The following MBD3 variants were observed in gnomAD, a reference collection of about 807,000 sequenced individuals.
MBD3 encodes methyl-CpG-binding domain protein 3.
A neutral mutation model predicts 31.2 loss-of-function variants in MBD3; 13 were observed. The ratio of observed to expected loss-of-function variants is 0.42; its 90% confidence interval spans 0.27 to 0.66. MBD3 has a LOEUF of 0.66. MBD3 is among the 30% of genes least tolerant of loss of function. The pLI is 0.26. For synonymous variants in MBD3, 223 were observed against 187.4 expected (o/e 1.19, Z -1.55); for missense variants, 440 against 426.5 (o/e 1.03, Z -0.28).
At chr19:1,590,648 A>G (rs1039352410) in intron 1 of MBD3, among the ~76,000 whole-genome samples, 1 of 152,160 alleles carries the variant, frequency 6.6e-6, no homozygotes, top group African/African-American at 2.4e-5. Context: ...GTGGAATGTG[A>G]ATTATATCTC....
At chr19:1,591,756 G>A (rs1313695652) in intron 1 of MBD3, among the ~76,000 whole-genome samples, 1 of 152,030 alleles carries the variant, frequency 6.6e-6, no homozygotes, top group African/African-American at 2.4e-5. Context: ...CTTGGCTGCA[G>A]CAGGCGACTA....
Position 1,592,821 on chromosome 19 carries a change from C to G in MBD3, c.-190G>C, listed in dbSNP as rs1372443667. On this transcript the variant is annotated 5_prime_UTR_variant, in exon 1 of 7. Transcript: ENST00000434436. ...GCTTTGCCGCCCTTTCGGCCCCCTC[C>G]CCGCGCTCGCCAGCCCCCGCTCGGG... is the stretch of plus-strand genomic sequence containing the variant. The G allele has an allele frequency of 6.8e-6, 1 of 147,136 alleles. No individual in the cohort carries two copies. Among genetic ancestry groups the G allele is most frequent in the Non-Finnish European group, 1.5e-5 (1 of 65,922 alleles). 9.1% of individuals were successfully genotyped at this position (147,136 alleles called of 1,614,324 possible).
At chr19:1,590,523 TGA>T (rs1409835505) in intron 1 of MBD3, among the ~76,000 whole-genome samples, 1 of 152,024 alleles carries the variant, frequency 6.6e-6, no homozygotes, top group Non-Finnish European at 1.5e-5. Context: ...GAGGCTGAGC[TGA>T]GAGGGTCGCC....
Position 1,592,660 on chromosome 19 carries a change from G to A in MBD3, c.-29C>T, listed in dbSNP as rs926818150. 1.3e-5 allele frequency: 13 copies of A among 1,015,308 alleles called. No individual in the cohort carries two copies. The highest frequency in any genetic ancestry group is 2.3e-5 in the South Asian group (1 of 42,884). 62.9% of individuals were successfully genotyped at this position (1,015,308 alleles called of 1,614,324 possible). On this transcript the variant is annotated 5_prime_UTR_variant, in exon 1 of 7. Coordinates refer to ENST00000434436, the MANE Select transcript of MBD3 (RefSeq NM_001281453.2). ...GCCCGGCTCCTCGGCCCGCCGCCGG[G>A]CCCGCCGCCGCCGCCCGGACCCCCA...
chr19:1,591,073 G>A (rs1295644691), intron 1 of MBD3, among the ~76,000 whole-genome samples: 2 of 152,220 alleles, frequency 1.3e-5, no homozygotes, highest in Non-Finnish European at 2.9e-5. Flanking sequence ...CCAAGCTGCA[G>A]CCACCTCTTA....
chr19:1,588,504 G>T (rs571075433), intron 1 of MBD3, among the ~76,000 whole-genome samples: 2 of 152,142 alleles, frequency 1.3e-5, no homozygotes, highest in South Asian at 4.1e-4. Context: ...AAACAAGGCC[G>T]GGCGCGGTGG....
At chr19:1,590,383 AG>A (rs1233290075) in intron 1 of MBD3, among the ~76,000 whole-genome samples, 2 of 152,230 alleles carry the variant, frequency 1.3e-5, no homozygotes, top group African/African-American at 4.8e-5. Context: ...GCACTTTGGG[AG>A]GCTGAGGCGG....
intron 5 of MBD3, among the ~76,000 whole-genome samples, chr19:1,579,345 T>A (rs1917294607): frequency 6.6e-6 from 1 of 151,628 alleles, no homozygotes; most frequent in Non-Finnish European, 1.5e-5. Flanking sequence ...AGAAAAAGAA[T>A]CCACACCCTC....
chr19:1,584,620 G>T lies in MBD3; in HGVS notation c.328C>A (p.Gln110Lys), dbSNP rs777996631. Residue 110 changes from glutamine (Q) to lysine (K), a missense_variant, in exon 3 of 7, where the codon CAG (glutamine) becomes AAG (lysine). Physicochemically the swap from Gln to Lys is moderately conservative, Grantham distance 53. Transcript: ENST00000434436. ...PVRQTASIFK[Q>K]PVTKITNHPS... is the part of the protein sequence containing the mutation. ...TGGTTGGTAATCTTGGTCACCGGCTGCTTGAAGATGGACGCCGTCTGGCGC... is the reference window on the plus strand; with the variant it reads ...TGGTTGGTAATCTTGGTCACCGGCTTCTTGAAGATGGACGCCGTCTGGCGC... The T allele has an allele frequency of 6.2e-7, 1 of 1,613,892 alleles. No individual in the cohort carries two copies. Among genetic ancestry groups the T allele is most frequent in the South Asian group, 1.1e-5 (1 of 91,088 alleles).
At chr19:1,582,011 C>T (rs939448007) in intron 4 of MBD3, among the ~76,000 whole-genome samples, 1 of 152,190 alleles carries the variant, frequency 6.6e-6, no homozygotes. Context: ...TCATGATCCG[C>T]CCGCCTTGGC....
Position 1,578,031 on chromosome 19 carries a change from G to A in MBD3, c.*133C>T. 2.0e-6 allele frequency: 1 copy of A among 508,756 alleles called. No individual in the cohort carries two copies. The highest frequency in any genetic ancestry group is 3.6e-6 in the Non-Finnish European group (1 of 279,850). 31.5% of individuals were successfully genotyped at this position (508,756 alleles called of 1,614,324 possible). On this transcript the variant is annotated 3_prime_UTR_variant, in exon 7 of 7. Transcript: ENST00000434436. The surrounding 1 kb of genome is among the most constrained non-coding windows in gnomAD (Gnocchi z 6.1). ...GAAGTGGGGACGGGCCGAGGAGGGA[G>A]CCAGGAGCACGGCCTTCCTCCTGGG...
In MBD3 at chr19:1,578,503, C is replaced by T. The variant is rs576246477; in HGVS notation, c.713G>A (p.Arg238Gln). ...QEELVQQVRK[R>Q]LEEALMADML... ...GTCGGCCATCAGCGCCTCCTCCAGCCGCTTCCGCACCTGCTGCACCAGCTC... is the reference window on the plus strand; with the variant it reads ...GTCGGCCATCAGCGCCTCCTCCAGCTGCTTCCGCACCTGCTGCACCAGCTC... Residue 238 changes from arginine to glutamine, a missense_variant, in exon 6 of 7, where the codon CGG becomes CAG. This residue lies in a region of MBD3 where 117 missense variants were observed against 95.0 expected (regional missense o/e 1.23). Transcript: ENST00000434436. The surrounding 1 kb of genome is among the most constrained non-coding windows in gnomAD (Gnocchi z 6.1). The T allele has an allele frequency of 1.8e-5, 29 of 1,612,086 alleles. No homozygotes were observed. The highest frequency in any genetic ancestry group is 6.7e-5 in the African/African-American group (5 of 74,942).
At chr19:1,584,829 C>G in intron 2 of MBD3, 152 bp from the exon 3 acceptor site, 1 of 989,594 alleles carries the variant, frequency 1.0e-6, no homozygotes, top group Non-Finnish European at 1.4e-6. Context: ...AGGCCGCTCC[C>G]GCAGGGTCGG....
chr19:1,582,044 G>A (rs771342903), intron 4 of MBD3, among the ~76,000 whole-genome samples: 3 of 152,160 alleles, frequency 2.0e-5, no homozygotes, highest in Non-Finnish European at 2.9e-5. Context: ...TGGGATTACA[G>A]GCGTGAGCCA....
At chr19:1,590,254 C>T (rs779625582) in intron 1 of MBD3, among the ~76,000 whole-genome samples, 5 of 152,106 alleles carry the variant, frequency 3.3e-5, no homozygotes, top group African/African-American at 7.2e-5. Context: ...GCTGGGATTG[C>T]GTCACTGCAC....
intron 1 of MBD3, among the ~76,000 whole-genome samples, chr19:1,588,052 T>G (rs1457774003): frequency 6.6e-6 from 1 of 152,222 alleles, no homozygotes; most frequent in Non-Finnish European, 1.5e-5. Flanking sequence ...GGTCCCATGC[T>G]TAGCTCAATC....
Position 1,592,709 on chromosome 19 carries a change from C to G in MBD3, c.-78G>C. On this transcript the variant is annotated 5_prime_UTR_variant, in exon 1 of 7. Coordinates refer to ENST00000434436, the MANE Select transcript of MBD3 (RefSeq NM_001281453.2). ...CACTCGCCGCCGCCGCCTCAGCTGC[C>G]TCCGCTGCCGCTGCCGCCGCCGCCA... 1 of 404,136 alleles carries G rather than the reference C, an allele frequency of 2.5e-6. No homozygotes were observed. Among genetic ancestry groups the G allele is most frequent in the Admixed American group, 6.4e-5 (1 of 15,740 alleles). 25.0% of individuals were successfully genotyped at this position (404,136 alleles called of 1,614,324 possible).
intron 4 of MBD3, 78 bp downstream of exon 4, chr19:1,582,544 C>T: frequency 7.3e-7 from 1 of 1,368,332 alleles, no homozygotes; most frequent in Non-Finnish European, 1.0e-6. Flanking sequence ...TCCACCCTGC[C>T]AGGAGATGAG....
chr19:1,581,444 G>GA (rs923400762), intron 4 of MBD3, 175 bp from the exon 5 acceptor site: 27 of 705,214 alleles, frequency 3.8e-5, no homozygotes, highest in Admixed American at 4.9e-5. Context: ...ATTCATAACA[G>GA]AAAAAAAAGC....
Sources: allele counts gnomAD v4.1 joint callset (sites outside exome capture counted in the v4.1 genomes callset), GRCh38; gene constraint gnomAD v4.1.1; regional missense constraint gnomAD v4.1.1; non-coding constraint Gnocchi (gnomAD v3.1); transcripts MANE v1.5; gene names NCBI Gene and HGNC (gene_info 2026-07-23, HGNC 2026-07-21).